WDFY2: variants seen among roughly 807,000 people sequenced by gnomAD.
WDFY2 encodes WD repeat and FYVE domain-containing protein 2.
In WDFY2, 36 loss-of-function variants were observed where a neutral mutation model predicts 56.4. The observed-to-expected ratio is 0.64, with a 90% confidence interval of 0.49 to 0.84. The LOEUF (loss-of-function observed/expected upper bound fraction) is 0.84. WDFY2 is among the 40% of genes least tolerant of loss of function. The pLI is 0.00. For synonymous variants in WDFY2, 176 were observed against 183.7 expected, an observed-to-expected ratio of 0.96 and a Z score of 0.34; for missense variants, 444 against 512.2, an observed-to-expected ratio of 0.87 and a Z score of 1.29.
intron 2 of WDFY2, 52 bp downstream of exon 2, chr13:51,660,715 G>C (rs776508583): frequency 6.6e-7 from 1 of 1,525,816 alleles, no homozygotes; most frequent in South Asian, 1.1e-5. Flanking sequence ...TTCCCAGATT[G>C]CCTTCTCTGT....
At chr13:51,731,338 A>G (rs538654821) in intron 6 of WDFY2, among the ~76,000 whole-genome samples, 85 of 152,354 alleles carry the variant, frequency 5.6e-4, no homozygotes, top group African/African-American at 2.0e-3. Context: ...TCAGCCACAT[A>G]TGGTTCAAAG....
chr13:51,758,260 G>C lies in WDFY2; in HGVS notation c.1133G>C (p.Arg378Thr). ...NIVHVHFDAT[R>T]GWLLTSGTDK... The stretch of plus-strand genomic sequence containing the variant: ...GTGCATGTGCATTTCGATGCAACCA[G>C]AGGATGGTTACTGACTTCTGGAACT... The change falls in exon 11 of 12, where the codon AGA becomes ACA. Residue 378 changes from arginine (R) to threonine (T), a missense_variant. Coordinates refer to ENST00000298125, the MANE Select transcript of WDFY2 (RefSeq NM_052950.4). 2 of 1,602,348 alleles carry C rather than the reference G, an allele frequency of 1.2e-6. No individual in the cohort carries two copies. The highest frequency in any genetic ancestry group is 1.7e-6 in the Non-Finnish European group (2 of 1,170,842).
intron 6 of WDFY2, among the ~76,000 whole-genome samples, chr13:51,729,729 AAAAC>A (rs1214956962): frequency 3.3e-5 from 5 of 152,254 alleles, no homozygotes; most frequent in Non-Finnish European, 7.3e-5. Flanking sequence ...CTCTGGTAGA[AAAAC>A]AAAGCAACAC....
intron 4 of WDFY2, among the ~76,000 whole-genome samples, chr13:51,715,892 T>C (rs1430516882): frequency 6.6e-6 from 1 of 152,160 alleles, no homozygotes; most frequent in Non-Finnish European, 1.5e-5. Context: ...AGCATCGTTA[T>C]GTGGAGCATG....
intron 6 of WDFY2, among the ~76,000 whole-genome samples, chr13:51,735,561 A>G (rs1952816356): frequency 6.6e-6 from 1 of 152,172 alleles, no homozygotes; most frequent in South Asian, 2.1e-4. Flanking sequence ...ACCAAACATA[A>G]CGTGCATGCT....
intron 1 of WDFY2, among the ~76,000 whole-genome samples, chr13:51,659,926 C>T (rs1234348404): frequency 1.3e-5 from 2 of 152,158 alleles, no homozygotes; most frequent in African/African-American, 4.8e-5. Flanking sequence ...ACTAATAAAA[C>T]CAAATAGTTC....
intron 7 of WDFY2, among the ~76,000 whole-genome samples, chr13:51,739,772 G>T (rs570013478): frequency 6.6e-6 from 1 of 152,116 alleles, no homozygotes; most frequent in Non-Finnish European, 1.5e-5. Flanking sequence ...TGAGATGTCC[G>T]GTCCCTGTCT....
intron 2 of WDFY2, among the ~76,000 whole-genome samples, chr13:51,673,561 T>C (rs912443762): frequency 4.6e-5 from 7 of 152,268 alleles, no homozygotes; most frequent in Admixed American, 2.0e-4. Context: ...TATGTGTGTA[T>C]GTACTTTACA....
chr13:51,724,839 C>T (rs979686452), intron 5 of WDFY2, among the ~76,000 whole-genome samples: 3 of 152,194 alleles, frequency 2.0e-5, no homozygotes, highest in African/African-American at 7.2e-5. Context: ...TTTCACTGCT[C>T]TAAATAGCCT....
chr13:51,737,112 A>G (rs192903086), intron 6 of WDFY2, among the ~76,000 whole-genome samples: 20 of 152,224 alleles, frequency 1.3e-4, no homozygotes, highest in Non-Finnish European at 2.4e-4. Flanking sequence ...TAGTCAGTCA[A>G]GTGAGACCAT....
intron 1 of WDFY2, among the ~76,000 whole-genome samples, chr13:51,649,330 C>T (rs916718977): frequency 2.6e-5 from 4 of 151,656 alleles, no homozygotes; most frequent in African/African-American, 9.7e-5. Context: ...GCAAGATGGA[C>T]TGTGCGGTGC....
chr13:51,625,788 C>T (rs796349861), intron 1 of WDFY2, among the ~76,000 whole-genome samples: 10 of 152,174 alleles, frequency 6.6e-5, no homozygotes, highest in Non-Finnish European at 1.3e-4. Flanking sequence ...GGAATGCTGA[C>T]GGGGCAAGGA....
intron 1 of WDFY2, among the ~76,000 whole-genome samples, chr13:51,649,935 T>C (rs537263913): frequency 1.3e-5 from 2 of 152,220 alleles, no homozygotes; most frequent in Admixed American, 6.5e-5. Flanking sequence ...TTTAAAGTAG[T>C]TTTTTCCAAT....
rs1295109788 is a variant in WDFY2 at position 51,766,666 on chromosome 13, T to G, written c.*6897T>G. On this transcript the variant is annotated 3_prime_UTR_variant, in exon 12 of 12. Coordinates refer to ENST00000298125, the MANE Select transcript of WDFY2 (RefSeq NM_052950.4). ...ATCAAATGCTGCTGAATATTGTGAA[T>G]GTTTTTACTCCGCTCACTTTCCCAC... 6.6e-6 allele frequency: 1 copy of G among 152,272 alleles called. No individual in the cohort carries two copies. Among genetic ancestry groups the G allele is most frequent in the Admixed American group, 6.5e-5 (1 of 15,284 alleles). 9.4% of individuals were successfully genotyped at this position (152,272 alleles called of 1,614,324 possible).
At chr13:51,661,939 T>C (rs1275909665) in intron 2 of WDFY2, among the ~76,000 whole-genome samples, 1 of 152,122 alleles carries the variant, frequency 6.6e-6, no homozygotes, top group Admixed American at 6.5e-5. Flanking sequence ...GAGAATTCTC[T>C]AGGTTTTTTT....
chr13:51,721,495 C>A (rs1952489747), intron 5 of WDFY2, among the ~76,000 whole-genome samples: 2 of 152,068 alleles, frequency 1.3e-5, no homozygotes, highest in Non-Finnish European at 1.5e-5. Flanking sequence ...GGATTATAAC[C>A]ACCACAGCTC....
Position 51,766,137 on chromosome 13 carries a change from C to A in WDFY2, c.*6368C>A. ...TGAAGTATGGCCAAAACCCTAGCGT[C>A]ACTTGTAACCATTGTACTCTTATGG... On this transcript the variant is annotated 3_prime_UTR_variant, in exon 12 of 12. Transcript: ENST00000298125. The A allele has an allele frequency of 6.6e-6, 1 of 152,236 alleles. No individual in the cohort carries two copies. Among genetic ancestry groups the A allele is most frequent in the East Asian group, 1.9e-4 (1 of 5,206 alleles). The allele number at this position is 152,236 out of a possible 1,614,324, so 9.4% of individuals were successfully genotyped here.
rs137997845 is a variant in WDFY2 at position 51,763,525 on chromosome 13, G to A, written c.*3756G>A. The A allele has an allele frequency of 2.0e-5, 3 of 152,352 alleles. No individual in the cohort carries two copies. Among genetic ancestry groups the A allele is most frequent in the Non-Finnish European group, 2.9e-5 (2 of 68,044 alleles). 9.4% of individuals were successfully genotyped at this position (152,352 alleles called of 1,614,324 possible). A position where few individuals can be genotyped will look rare whatever the true frequency, so the allele number is the denominator to read the frequency against. On this transcript the variant is annotated 3_prime_UTR_variant, in exon 12 of 12. Transcript: ENST00000298125. ...CATTTTATAAAAGTAAAGGCCAGGTGCCATGGCTCACACCTATAATCTGAA... is the reference window on the plus strand; with the variant it reads ...CATTTTATAAAAGTAAAGGCCAGGTACCATGGCTCACACCTATAATCTGAA...
At chr13:51,595,243 C>G (rs1246618090) in intron 1 of WDFY2, among the ~76,000 whole-genome samples, 3 of 152,140 alleles carry the variant, frequency 2.0e-5, no homozygotes, top group East Asian at 1.9e-4. Context: ...TCCATGGCTT[C>G]CATAAGGAAT....
Sources: allele counts gnomAD v4.1 joint callset (sites outside exome capture counted in the v4.1 genomes callset), GRCh38; gene constraint gnomAD v4.1.1; transcripts MANE v1.5; gene names NCBI Gene and HGNC (gene_info 2026-07-23, HGNC 2026-07-21).